Variants in F5 observed in about 807,000 individuals in gnomAD.
F5 encodes the protein activated protein c cofactor.
Under a neutral mutation model 216.4 loss-of-function variants are expected in F5, and 138 were observed. The ratio of observed to expected loss-of-function variants is 0.64; its 90% CI spans 0.56 to 0.73. F5 has a LOEUF of 0.73. F5 is among the 30% of genes least tolerant of loss of function. F5 has a pLI of 0.00. For synonymous variants in F5, 916 were observed against 930.7 expected (o/e 0.98, Z 0.29); for missense variants, 2,403 against 2,674.0 (o/e 0.90, Z 2.24).
At position 169,512,676 on chromosome 1, in the gene F5, AC is replaced by A. The variant is rs1268380880; in HGVS notation, c.*1636del. On this transcript the variant is annotated 3_prime_UTR_variant, in exon 25 of 25. Coordinates refer to ENST00000367797, the MANE Select transcript of F5 (RefSeq NM_000130.5). ...TCTTAGAAATGTTGATGGGACAATG[AC>A]ATGAATCATGAAAAGAAAGGAATAG... Among the ~76,000 whole-genome samples the A allele has an allele frequency of 6.6e-6, 1 of 152,040 alleles. No individual in the cohort carries two copies. The highest frequency in any genetic ancestry group is 1.5e-5 in the Non-Finnish European group (1 of 67,982).
At chr1:169,585,461 G>A (rs1433771706) in intron 1 of F5, among the ~76,000 whole-genome samples, 1 of 152,158 alleles carries the variant, frequency 6.6e-6, no homozygotes, top group Non-Finnish European at 1.5e-5. Flanking sequence ...TAGACTGTAT[G>A]ATTTAGTTAA....
intron 12 of F5, among the ~76,000 whole-genome samples, chr1:169,543,657 C>A (rs1659928870): frequency 6.6e-6 from 1 of 152,182 alleles, no homozygotes; most frequent in African/African-American, 2.4e-5. Flanking sequence ...TCTGAAATGG[C>A]ATGCATTGCT....
intron 2 of F5, among the ~76,000 whole-genome samples, chr1:169,581,046 G>A (rs551588865): frequency 7.2e-5 from 11 of 152,266 alleles, no homozygotes; most frequent in Admixed American, 7.2e-4. Context: ...GCTTCAGAGG[G>A]AAAGTGGCTT....
Position 169,540,275 on chromosome 1 carries a change from A to G in F5, c.4796+19T>C. The G allele has an allele frequency of 1.9e-6, 3 of 1,613,158 alleles. No homozygotes were observed. The highest frequency in any genetic ancestry group is 2.5e-6 in the Non-Finnish European group (3 of 1,179,480). On this transcript the variant is annotated intron_variant, in intron 13 of 24. Coordinates refer to ENST00000367797, the MANE Select transcript of F5 (RefSeq NM_000130.5). ...AGTAATGGAAAAATGAGAATAAAAA[A>G]GGAGAAAACTGGCCAAACCTTTGTA...
intron 3 of F5, among the ~76,000 whole-genome samples, chr1:169,571,158 A>G (rs970999653): frequency 8.5e-5 from 13 of 152,282 alleles, no homozygotes; most frequent in African/African-American, 2.6e-4. Flanking sequence ...ATGGAACTCT[A>G]CTATGCTTAC....
intron 1 of F5, 113 bp downstream of exon 1, chr1:169,586,116 A>C: frequency 1.7e-6 from 2 of 1,193,330 alleles, no homozygotes; most frequent in Non-Finnish European, 2.4e-6. Flanking sequence ...AGTTATATTT[A>C]CTTACCTGAA....
chr1:169,560,507 C>T (rs751612375), intron 4 of F5, 47 bp downstream of exon 4: 6 of 1,586,958 alleles, frequency 3.8e-6, no homozygotes, highest in Non-Finnish European at 5.2e-6. Context: ...GAACTCCTGA[C>T]CATTCCAACA....
Position 169,514,334 on chromosome 1 carries a change from G to A in F5, c.6654C>T (p.Leu2218=). 6.2e-7 allele frequency: 1 copy of A among 1,613,318 alleles called. No individual in the cohort carries two copies. Among genetic ancestry groups the A allele is most frequent in the South Asian group, 1.1e-5 (1 of 91,064 alleles). ...WNQSIALRLE[L]FGCDIY is the part of the protein sequence containing the mutation. ...AATTCTAGTAAATATCACAGCCAAA[G>A]AGTTCCAGGCGAAGTGCAATACTTT... Residue 2218 remains leucine (L), a synonymous_variant, in exon 25 of 25, where the codon CTC becomes CTT. Transcript: ENST00000367797.
chr1:169,565,901 A>G (rs766356442), intron 3 of F5, among the ~76,000 whole-genome samples: 7 of 152,118 alleles, frequency 4.6e-5, no homozygotes, highest in Non-Finnish European at 8.8e-5. Context: ...TTTCACTTTG[A>G]TAATAAAACT....
chr1:169,542,193 G>A lies in F5; in HGVS notation c.2897C>T (p.Thr966Ile), dbSNP rs370330489. The A allele has an allele frequency of 1.2e-6, 2 of 1,614,114 alleles. No individual in the cohort carries two copies. The highest frequency in any genetic ancestry group is 1.7e-6 in the Non-Finnish European group (2 of 1,180,000). Residue 966 changes from threonine to isoleucine, a missense_variant, in exon 13 of 25, where the codon ACA becomes ATA. Physicochemically the swap from Thr to Ile is moderately conservative, Grantham distance 89. Transcript: ENST00000367797. Reference sequence around the variant, plus strand: ...GCTGATCAGCCAATTGTTAACAGCTGTGTCTTCATCAGTATCTTGGATTAT... The same window carrying A: ...GCTGATCAGCCAATTGTTAACAGCTATGTCTTCATCAGTATCTTGGATTAT... ...YEIIQDTDED[T>I]AVNNWLISPQ... is the part of the protein sequence containing the mutation.
In F5 at chr1:169,540,674, T is replaced by C. The variant is rs965858259; in HGVS notation, c.4416A>G (p.Ser1472=). The C allele has an allele frequency of 1.9e-6, 3 of 1,613,896 alleles. No homozygotes were observed. The highest frequency in any genetic ancestry group is 2.5e-6 in the Non-Finnish European group (3 of 1,179,978). Residue 1472 remains serine, a synonymous_variant, in exon 13 of 25, where the codon TCA becomes TCG. Coordinates refer to ENST00000367797, the MANE Select transcript of F5 (RefSeq NM_000130.5). ...QIFYPSESSQ[S]LLLQEFNESF... Reference sequence around the variant, plus strand: ...ACTCATTAAATTCTTGAAGAAGCAATGACTGACTAGATTCAGAAGGGTAGA... The same window carrying C: ...ACTCATTAAATTCTTGAAGAAGCAACGACTGACTAGATTCAGAAGGGTAGA...
chr1:169,583,648 T>G (rs376673981), intron 1 of F5, among the ~76,000 whole-genome samples: 1 of 152,230 alleles, frequency 6.6e-6, no homozygotes, highest in Non-Finnish European at 1.5e-5. Context: ...AAATACTCAA[T>G]CCATGTTAGC....
At chr1:169,555,136 A>G in intron 7 of F5, 46 bp downstream of exon 7, 2 of 1,608,448 alleles carry the variant, frequency 1.2e-6, no homozygotes, top group Non-Finnish European at 1.7e-6. Flanking sequence ...ACCCTATGGA[A>G]TGTGTCTTGA....
intron 24 of F5, 146 bp downstream of exon 24, chr1:169,515,294 TTGTC>T: frequency 2.1e-6 from 2 of 960,062 alleles, no homozygotes; most frequent in Non-Finnish European, 1.6e-6. Context: ...AACCAGGAGT[TTGTC>T]TGAGACCAGG....
chr1:169,550,166 A>G, intron 9 of F5, 151 bp from the exon 10 acceptor site: 1 of 669,220 alleles, frequency 1.5e-6, no homozygotes, highest in Admixed American at 2.5e-5. Context: ...GTTCTAGGGT[A>G]CATGTGCACA....
rs373814225 is a variant in F5, at chr1:169,542,371, A to G, written c.2719T>C (p.Trp907Arg). 4.3e-6 allele frequency: 7 copies of G among 1,613,886 alleles called. No individual in the cohort carries two copies. Among genetic ancestry groups the G allele is most frequent in the Middle Eastern group, 1.6e-4 (1 of 6,084 alleles). ...DTGSPSGMRP[W>R]EDLPSQDTGS... ...GTGTCTTGGCTAGGAAGGTCCTCCC[A>G]GGGCCTCATTCCGGAAGGAGAACCA... Residue 907 changes from tryptophan to arginine, a missense_variant, in exon 13 of 25, where the codon TGG becomes CGG. Coordinates refer to ENST00000367797, the MANE Select transcript of F5 (RefSeq NM_000130.5).
chr1:169,518,528 T>A lies in F5; in HGVS notation c.6229A>T (p.Ile2077Leu). The change falls in exon 23 of 25, where the codon ATA (isoleucine) becomes TTA (leucine). Residue 2077 changes from isoleucine (I) to leucine (L), a missense_variant. By Grantham distance (5) the Ile-to-Leu change is conservative (BLOSUM62 2). Transcript: ENST00000367797. Reference sequence around the variant, plus strand: ...GAAGCTGTGATTTGCTTGTTTTCTATCTTTCCATTTTCCATACCCAGGGGT... The same window carrying A: ...GAAGCTGTGATTTGCTTGTTTTCTAACTTTCCATTTTCCATACCCAGGGGT... ...STPLGMENGK[I>L]ENKQITASSF... 6.2e-7 allele frequency: 1 copy of A among 1,613,904 alleles called. No individual in the cohort carries two copies. Among genetic ancestry groups the A allele is most frequent in the Non-Finnish European group, 8.5e-7 (1 of 1,179,886 alleles).
chr1:169,555,483 T>C (rs1255935123), intron 6 of F5, 136 bp from the exon 7 acceptor site: 2 of 994,658 alleles, frequency 2.0e-6, no homozygotes, highest in Non-Finnish European at 3.0e-6. Context: ...AGGCAATTTT[T>C]GAACATTTTA....
intron 17 of F5, among the ~76,000 whole-genome samples, chr1:169,527,158 A>G (rs1261613512): frequency 6.6e-6 from 1 of 152,138 alleles, no homozygotes; most frequent in Non-Finnish European, 1.5e-5. Context: ...GGCAAAATAG[A>G]AGGAAGGCTG....
Sources: allele counts gnomAD v4.1 joint callset (sites outside exome capture counted in the v4.1 genomes callset), GRCh38; gene constraint gnomAD v4.1.1; transcripts MANE v1.5; gene names NCBI Gene and HGNC (gene_info 2026-07-23, HGNC 2026-07-21).